The following TAFA1 variants were observed in gnomAD, a reference collection of about 807,000 sequenced individuals.
The protein encoded by TAFA1 is chemokine-like protein TAFA-1.
TAFA1 carries 4 observed loss-of-function variants against 18.5 expected under a neutral mutation model. That is an observed-to-expected ratio of 0.22 (90% CI 0.11 to 0.49). The LOEUF is 0.49. Among genes scored for constraint, TAFA1 ranks in the 20% least tolerant of loss-of-function variants. TAFA1 has a pLI of 0.98. For missense variants in TAFA1, 147 were observed against 169.0 expected (o/e 0.87, Z 0.72); for synonymous variants, 56 against 55.2 (o/e 1.01, Z -0.06).
At chr3:68,089,585 T>C (rs2065008907) in intron 2 of TAFA1, among the ~76,000 whole-genome samples, 1 of 152,158 alleles carries the variant, frequency 6.6e-6, no homozygotes, top group Non-Finnish European at 1.5e-5. Context: ...ATGCGGGTTA[T>C]TAATTACACC....
chr3:68,262,343 A>T (rs1320605732), intron 2 of TAFA1, among the ~76,000 whole-genome samples: 2 of 88,030 alleles, frequency 2.3e-5, no homozygotes, highest in Non-Finnish European at 2.2e-5. Flanking sequence ...ATATATATAT[A>T]TATATATATA....
intron 2 of TAFA1, among the ~76,000 whole-genome samples, chr3:68,102,777 T>C (rs1388164376): frequency 1.3e-5 from 2 of 152,210 alleles, no homozygotes; most frequent in African/African-American, 2.4e-5. Flanking sequence ...TTACAGTCTG[T>C]ACCACCTTTA....
intron 2 of TAFA1, among the ~76,000 whole-genome samples, chr3:68,113,954 G>C (rs112434969): frequency 0.044 from 6,206 of 141,862 alleles, 434 homozygotes; most frequent in African/African-American, 0.15. Flanking sequence ...AACCAGGCTG[G>C]AGTGCAGTGG....
intron 3 of TAFA1, among the ~76,000 whole-genome samples, chr3:68,468,024 T>C (rs763122654): frequency 6.6e-6 from 1 of 152,208 alleles, no homozygotes; most frequent in Non-Finnish European, 1.5e-5. Flanking sequence ...TTTACTGTGA[T>C]GTCAAGATAT....
chr3:68,364,737 A>T (rs2069533478), intron 2 of TAFA1, among the ~76,000 whole-genome samples: 1 of 152,228 alleles, frequency 6.6e-6, no homozygotes, highest in African/African-American at 2.4e-5. Flanking sequence ...TAACATTGAA[A>T]TACTCCTTCA....
At chr3:68,494,291 C>T (rs529530967) in intron 3 of TAFA1, among the ~76,000 whole-genome samples, 37 of 152,232 alleles carry the variant, frequency 2.4e-4, no homozygotes, top group African/African-American at 8.4e-4. Flanking sequence ...TTAGACCTGT[C>T]ACTTAAAACC....
chr3:68,451,259 C>T (rs994532103), intron 3 of TAFA1, among the ~76,000 whole-genome samples: 4 of 152,122 alleles, frequency 2.6e-5, no homozygotes, highest in African/African-American at 4.8e-5. Context: ...CTAGACAGTT[C>T]TTTTTGCCAT....
intron 2 of TAFA1, among the ~76,000 whole-genome samples, chr3:68,194,813 C>G (rs2066391628): frequency 6.6e-6 from 1 of 151,622 alleles, no homozygotes; most frequent in African/African-American, 2.4e-5. Context: ...GTAGCTGTCT[C>G]ATAGGGTTGG....
chr3:68,259,574 G>A (rs1166816488), intron 2 of TAFA1, among the ~76,000 whole-genome samples: 1 of 152,126 alleles, frequency 6.6e-6, no homozygotes, highest in East Asian at 1.9e-4. Context: ...CATGAGCATG[G>A]AATGTTCTTC....
intron 2 of TAFA1, among the ~76,000 whole-genome samples, chr3:68,382,151 C>A (rs947950845): frequency 7.9e-5 from 12 of 152,136 alleles, no homozygotes; most frequent in Non-Finnish European, 1.6e-4. Context: ...GTTGGATAAG[C>A]TTTTTGATGT....
chr3:68,313,151 G>C (rs1045445976), intron 2 of TAFA1, among the ~76,000 whole-genome samples: 10 of 152,180 alleles, frequency 6.6e-5, no homozygotes, highest in African/African-American at 2.4e-4. Flanking sequence ...GGAGCTACAA[G>C]ATGAGATTTG....
At chr3:68,248,825 G>A (rs1255150629) in intron 2 of TAFA1, among the ~76,000 whole-genome samples, 2 of 151,996 alleles carry the variant, frequency 1.3e-5, no homozygotes, top group African/African-American at 4.8e-5. Context: ...TAAAAATGCT[G>A]TATAAACTGC....
chr3:68,540,411 A>G (rs1251710693), intron 4 of TAFA1, among the ~76,000 whole-genome samples: 16 of 152,206 alleles, frequency 1.1e-4, no homozygotes, highest in Non-Finnish European at 1.9e-4. Context: ...TTATCCACAG[A>G]GACCATTTTA....
chr3:68,530,042 A>AC (rs2073168733), intron 3 of TAFA1, among the ~76,000 whole-genome samples: 1 of 152,184 alleles, frequency 6.6e-6, no homozygotes, highest in Non-Finnish European at 1.5e-5. Context: ...AATGCCAGTA[A>AC]CCTGTATTGA....
At chr3:68,106,017 A>G (rs1314948736) in intron 2 of TAFA1, among the ~76,000 whole-genome samples, 1 of 152,100 alleles carries the variant, frequency 6.6e-6, no homozygotes, top group South Asian at 2.1e-4. Flanking sequence ...CTAATATTTT[A>G]TTCCCAGGTA....
chr3:68,035,798 A>G (rs1705034652), intron 2 of TAFA1, among the ~76,000 whole-genome samples: 1 of 152,220 alleles, frequency 6.6e-6, no homozygotes, highest in Non-Finnish European at 1.5e-5. Flanking sequence ...AATGGGTTGG[A>G]TAGATAAACA....
chr3:68,050,824 C>G (rs570741906), intron 2 of TAFA1, among the ~76,000 whole-genome samples: 27 of 152,280 alleles, frequency 1.8e-4, no homozygotes, highest in African/African-American at 6.0e-4. Context: ...TGAAAGCAAC[C>G]AAAGACAATA....
intron 2 of TAFA1, among the ~76,000 whole-genome samples, chr3:68,296,009 GC>G (rs745589325): frequency 3.9e-5 from 6 of 152,218 alleles, no homozygotes; most frequent in Non-Finnish European, 5.9e-5. Flanking sequence ...AAGATAAAGA[GC>G]TTTGATTCTC....
chr3:68,329,460 A>G (rs1384489837), intron 2 of TAFA1, among the ~76,000 whole-genome samples: 1 of 152,054 alleles, frequency 6.6e-6, no homozygotes, highest in Admixed American at 6.6e-5. Flanking sequence ...ATATCTATTC[A>G]GTTCCAGTTC....
Sources: gnomAD v4.1 joint callset for allele counts (sites outside exome capture counted in the v4.1 genomes callset) on GRCh38, gnomAD v4.1.1 for gene constraint, MANE v1.5 for transcripts, NCBI Gene and HGNC (gene_info 2026-07-23, HGNC 2026-07-21) for gene names.